UBR4: variants seen among roughly 807,000 people sequenced by gnomAD.
The protein encoded by UBR4 is ubiquitin protein ligase E3 component n-recognin 4.
A neutral mutation model predicts 575.6 loss-of-function variants in UBR4; 124 were observed. That is an observed-to-expected ratio of 0.22 (90% CI 0.19 to 0.25). The LOEUF (loss-of-function observed/expected upper bound fraction) is 0.25, where lower values mean the gene tolerates loss of function less well. Among genes scored for constraint, UBR4 ranks in the 10% least tolerant of loss-of-function variants. UBR4 has a pLI of 1.00. For missense variants in UBR4, 4,818 were observed against 6,478.8 expected, an observed-to-expected ratio of 0.74 and a Z score of 8.80; for synonymous variants, 2,455 against 2,473.7, an observed-to-expected ratio of 0.99 and a Z score of 0.22.
intron 87 of UBR4, among the ~76,000 whole-genome samples, chr1:19,102,696 C>T (rs1482064452): frequency 6.6e-6 from 1 of 152,166 alleles, no homozygotes; most frequent in Non-Finnish European, 1.5e-5. Context: ...CTTTGGTTTC[C>T]ATGCCCTGCC....
chr1:19,201,864 G>A lies in UBR4; in HGVS notation c.177-49C>T, dbSNP rs369374742. On this transcript the variant is annotated intron_variant, in intron 1 of 105. Transcript: ENST00000375254. ...CCAGCATCTGCTTAGCGCTTACTAT[G>A]TGCCAGATACCCCTTTATGGATATT... The A allele has an allele frequency of 6.6e-6, 10 of 1,514,460 alleles. No homozygotes were observed. The East Asian group carries it at 1.6e-4, about 24-fold the overall frequency. 93.8% of individuals were successfully genotyped at this position (1,514,460 alleles called of 1,614,324 possible). A position where few individuals can be genotyped will look rare whatever the true frequency, so the allele number is the denominator to read the frequency against.
At chr1:19,119,822 G>A in intron 69 of UBR4, 121 bp from the exon 70 acceptor site, 1 of 1,341,020 alleles carries the variant, frequency 7.5e-7, no homozygotes, top group Admixed American at 2.4e-5. Context: ...GAACGGTTTT[G>A]TTTCACTTTT....
chr1:19,141,635 C>T lies in UBR4; in HGVS notation c.8310+12G>A, dbSNP rs1286945331. 1 of 1,613,506 alleles carries T rather than the reference C, an allele frequency of 6.2e-7. No homozygotes were observed. Among genetic ancestry groups the T allele is most frequent in the Non-Finnish European group, 8.5e-7 (1 of 1,179,632 alleles). On this transcript the variant is annotated intron_variant, in intron 56 of 105. Coordinates refer to ENST00000375254, the MANE Select transcript of UBR4 (RefSeq NM_020765.3). Reference sequence around the variant, plus strand: ...AGCTCCTCCTCCCCTTCTCCTGCTGCCAGAGACTCACCACCATCTCAAAAT... The same window carrying T: ...AGCTCCTCCTCCCCTTCTCCTGCTGTCAGAGACTCACCACCATCTCAAAAT...
intron 8 of UBR4, 50 bp downstream of exon 8, chr1:19,197,091 T>C (rs1053034399): frequency 5.6e-6 from 9 of 1,597,952 alleles, no homozygotes; most frequent in Non-Finnish European, 7.7e-6. Flanking sequence ...TTCCTGAAAG[T>C]ATATCTCTGC....
chr1:19,112,607 G>C lies in UBR4; in HGVS notation c.11718C>G (p.Ile3906Met), dbSNP rs199857266. 6 of 1,614,272 alleles carry C rather than the reference G, an allele frequency of 3.7e-6. No homozygotes were observed. In the Admixed American group the frequency reaches 8.3e-5, roughly 22 times the overall value. The change falls in exon 78 of 106, where the codon ATC (isoleucine) becomes ATG (methionine). Residue 3906 changes from isoleucine (I) to methionine (M), a missense_variant. Physicochemically the swap from Ile to Met is conservative, Grantham distance 10 (BLOSUM62 1). Around this residue, in one of 29 missense-constraint regions of UBR4, gnomAD observed 333 missense variants for 459.2 expected, o/e 0.73. Transcript: ENST00000375254. ...GAAGATTATAATCAAAGAGCTCCCG[G>C]ATAAGGCCCTGGGAGACAAGGATGT... ...LRHILVSQGL[I>M]RELFDYNLRR...
chr1:19,101,535 G>A lies in UBR4; in HGVS notation c.13008C>T (p.Cys4336=), dbSNP rs1260275245. The change falls in exon 88 of 106, where the codon TGC becomes TGT. Residue 4336 remains cysteine, a synonymous_variant. Transcript: ENST00000375254. ...RTPVFIFERL[C]SIIYPEENEV... is the part of the protein sequence containing the mutation. ...CACTGCTTACAGGATAAATGATGCT[G>A]CAGAGCCTCTCGAAGATGAACACCG... 3.1e-6 allele frequency: 5 copies of A among 1,613,522 alleles called. No homozygotes were observed. The highest frequency in any genetic ancestry group is 4.2e-6 in the Non-Finnish European group (5 of 1,179,648).
In UBR4 at chr1:19,074,833, C is replaced by T; in HGVS notation, c.15551G>A (p.Ter5184=). 6.2e-7 allele frequency: 1 copy of T among 1,614,020 alleles called. No individual in the cohort carries two copies. Among genetic ancestry groups the T allele is most frequent in the Non-Finnish European group, 8.5e-7 (1 of 1,180,002 alleles). The change falls in exon 106 of 106, where the codon TGA becomes TAA. Residue 5184 remains the stop codon, a stop_retained_variant. Coordinates refer to ENST00000375254, the MANE Select transcript of UBR4 (RefSeq NM_020765.3). ...GCCGCCGCAGCTGCTGTGTGGTGGT[C>T]AGGGGACTGAGTTCAACAGGTCCTT... ...FLKDLLNSVP[*]
At position 19,170,837 on chromosome 1, in the gene UBR4, G is replaced by A. The variant is rs369877199; in HGVS notation, c.3568C>T (p.Pro1190Ser). 6.2e-6 allele frequency: 10 copies of A among 1,614,038 alleles called. No individual in the cohort carries two copies. The highest frequency in any genetic ancestry group is 1.3e-5 in the African/African-American group (1 of 74,904). The change falls in exon 26 of 106, where the codon CCT (proline) becomes TCT (serine). Residue 1190 changes from proline (P) to serine (S), a missense_variant. Transcript: ENST00000375254. ...AAGCCTTGCAGTTTCTCCTTGGAAG[G>A]TTTCTCAGTTGTTCCCTCTTCATTA... is the stretch of plus-strand genomic sequence containing the variant. ...NFNEEGTTEK[P>S]SKEKLQGFAA... is the part of the protein sequence containing the mutation.
chr1:19,080,411 C>G (rs914218839), intron 103 of UBR4: 1 of 152,174 alleles, frequency 6.6e-6, no homozygotes. Context: ...ATAAAGACAC[C>G]AGGTGTGCCA....
rs1457520418 is a variant in UBR4 at position 19,088,705 on chromosome 1, C to T, written c.14430+54G>A. ...CAACCCCAGGGCTGTCCCATGGCCA[C>T]CTCCTCATCAACAGTGTGGGCAGAA... On this transcript the variant is annotated intron_variant, in intron 98 of 105. Coordinates refer to ENST00000375254, the MANE Select transcript of UBR4 (RefSeq NM_020765.3). The surrounding 1 kb of genome is among the most constrained non-coding windows in gnomAD (Gnocchi z 4.0). The T allele has an allele frequency of 1.2e-5, 19 of 1,590,286 alleles. No individual in the cohort carries two copies. Among genetic ancestry groups the T allele is most frequent in the Non-Finnish European group, 1.6e-5 (19 of 1,161,124 alleles).
chr1:19,175,585 T>C (rs1020244021), intron 20 of UBR4, among the ~76,000 whole-genome samples: 2 of 152,098 alleles, frequency 1.3e-5, no homozygotes, highest in African/African-American at 4.8e-5. Context: ...AATTGCTATA[T>C]GAGAAAAACA....
chr1:19,099,218 G>T (rs1380819686), intron 90 of UBR4, among the ~76,000 whole-genome samples: 1 of 152,124 alleles, frequency 6.6e-6, no homozygotes, highest in Non-Finnish European at 1.5e-5. Context: ...AAGCGAGCAG[G>T]CCCATAAAAG....
intron 1 of UBR4, among the ~76,000 whole-genome samples, chr1:19,206,464 T>G (rs1446195183): frequency 6.6e-6 from 1 of 152,112 alleles, no homozygotes; most frequent in African/African-American, 2.4e-5. Flanking sequence ...TAGCTGGGAT[T>G]ATGGGCATTA....
chr1:19,085,235 T>A (rs571611102), intron 101 of UBR4, among the ~76,000 whole-genome samples: 1 of 152,374 alleles, frequency 6.6e-6, no homozygotes, highest in South Asian at 2.1e-4. Flanking sequence ...CAAGAATACA[T>A]GCCTGGCCGG....
chr1:19,111,004 G>T (rs562564752), intron 78 of UBR4, among the ~76,000 whole-genome samples, 172 bp from the exon 79 acceptor site: 1 of 152,122 alleles, frequency 6.6e-6, no homozygotes. Flanking sequence ...AACCGTGGTC[G>T]GTAATAATAA....
At position 19,113,778 on chromosome 1, in the gene UBR4, T is replaced by C; in HGVS notation, c.11378A>G (p.Asn3793Ser). ...CTGAGCCAACTGCAGGATGTAACGA[T>C]TCACACTGGCAGAAGTGGAGCTGAT... ...GGISSTSASV[N>S]RYILQLAQEY... Residue 3793 changes from asparagine (N) to serine (S), a missense_variant, in exon 77 of 106, where the codon AAT (asparagine) becomes AGT (serine). By Grantham distance (46) the Asn-to-Ser change is conservative. Transcript: ENST00000375254. 3 of 1,614,172 alleles carry C rather than the reference T, an allele frequency of 1.9e-6. No homozygotes were observed. The highest frequency in any genetic ancestry group is 2.5e-6 in the Non-Finnish European group (3 of 1,180,014).
rs780136624 is a variant in UBR4 at position 19,184,132 on chromosome 1, G to A, written c.1982C>T (p.Ser661Phe). 3.7e-6 allele frequency: 6 copies of A among 1,614,184 alleles called. No homozygotes were observed. In the Admixed American group the frequency reaches 6.7e-5, roughly 18 times the overall value. Residue 661 changes from serine (S) to phenylalanine (F), a missense_variant, in exon 16 of 106, where the codon TCC becomes TTC. Coordinates refer to ENST00000375254, the MANE Select transcript of UBR4 (RefSeq NM_020765.3). ...ASNILNFITS[S>F]MLNSRNNFIR... ...AAAATTGTTCCGAGAGTTCAGCATGGAAGAGGTGATGAAGTTCAAAATGTT... is the reference window on the plus strand; with the variant it reads ...AAAATTGTTCCGAGAGTTCAGCATGAAAGAGGTGATGAAGTTCAAAATGTT...
intron 90 of UBR4, 116 bp from the exon 91 acceptor site, chr1:19,097,396 A>C: frequency 1.3e-6 from 1 of 752,166 alleles, no homozygotes; most frequent in Admixed American, 3.6e-5. Context: ...ATTTTTCTAC[A>C]AAGTCTCAAC....
intron 2 of UBR4, 43 bp from the exon 3 acceptor site, chr1:19,199,797 G>T: frequency 6.4e-7 from 1 of 1,552,652 alleles, no homozygotes; most frequent in Non-Finnish European, 8.9e-7. Context: ...ACTGCTCAGC[G>T]TTGGTCAATA....
Sources: allele counts gnomAD v4.1 joint callset (sites outside exome capture counted in the v4.1 genomes callset), GRCh38; gene constraint gnomAD v4.1.1; regional missense constraint gnomAD v4.1.1; non-coding constraint Gnocchi (gnomAD v3.1); transcripts MANE v1.5; gene names NCBI Gene and HGNC (gene_info 2026-07-23, HGNC 2026-07-21).